The following SNTG1 variants were observed in gnomAD, a reference collection of about 807,000 sequenced individuals.
The protein encoded by SNTG1 is gamma-1-syntrophin.
A neutral mutation model predicts 74.7 loss-of-function variants in SNTG1; 39 were observed. The ratio of observed to expected loss-of-function variants is 0.52; its 90% CI spans 0.40 to 0.68. The LOEUF is 0.68. Ranked by LOEUF, SNTG1 falls within the 30% of genes least tolerant of loss-of-function variation. SNTG1 has a pLI of 0.00. For missense variants in SNTG1, 685 were observed against 609.5 expected, an observed-to-expected ratio of 1.12 and a Z score of -1.30; for synonymous variants, 254 against 217.1, an observed-to-expected ratio of 1.17 and a Z score of -1.49.
At chr8:50,049,365 C>T (rs1202352013) in intron 1 of SNTG1, among the ~76,000 whole-genome samples, 5 of 151,892 alleles carry the variant, frequency 3.3e-5, no homozygotes, top group African/African-American at 1.2e-4. Context: ...GCTAAAGTAG[C>T]TAAATTATAT....
At chr8:50,254,559 C>T (rs1207044355) in intron 2 of SNTG1, among the ~76,000 whole-genome samples, 1 of 152,020 alleles carries the variant, frequency 6.6e-6, no homozygotes, top group Admixed American at 6.6e-5. Flanking sequence ...AAAATAGAAA[C>T]AAACAGGGCC....
At chr8:50,151,419 C>A (rs765931867) in intron 1 of SNTG1, among the ~76,000 whole-genome samples, 3 of 151,776 alleles carry the variant, frequency 2.0e-5, no homozygotes, top group Non-Finnish European at 4.4e-5. Context: ...TTCTTCAGTT[C>A]TCTGATCTTA....
intron 1 of SNTG1, among the ~76,000 whole-genome samples, chr8:50,137,194 T>A (rs2081502294): frequency 6.6e-6 from 1 of 152,168 alleles, no homozygotes; most frequent in Non-Finnish European, 1.5e-5. Context: ...TGGAGTGTAT[T>A]TGGTGAGATT....
intron 1 of SNTG1, among the ~76,000 whole-genome samples, chr8:50,056,675 G>C (rs960682571): frequency 1.3e-5 from 2 of 152,170 alleles, no homozygotes; most frequent in Non-Finnish European, 2.9e-5. Context: ...CTGTGGTGCC[G>C]TGTGGTTTAC....
At chr8:50,395,627 C>T (rs1330369131) in intron 3 of SNTG1, among the ~76,000 whole-genome samples, 4 of 151,526 alleles carry the variant, frequency 2.6e-5, no homozygotes, top group Admixed American at 6.6e-5. Flanking sequence ...CCTCAGCCTC[C>T]GAAGTAGCTG....
intron 3 of SNTG1, among the ~76,000 whole-genome samples, chr8:50,399,695 T>C (rs1563334453): frequency 1.3e-5 from 2 of 151,864 alleles, no homozygotes; most frequent in Admixed American, 6.5e-5. Context: ...CAGAGTGGCT[T>C]CCCCCCTCAA....
chr8:50,275,358 T>C (rs1226263037), intron 2 of SNTG1, among the ~76,000 whole-genome samples: 2 of 152,218 alleles, frequency 1.3e-5, no homozygotes, highest in Non-Finnish European at 1.5e-5. Context: ...TCTTTGTTAT[T>C]TTTTAAATCT....
At chr8:50,783,857 T>G (rs1303333898) in intron 18 of SNTG1, among the ~76,000 whole-genome samples, 1 of 152,216 alleles carries the variant, frequency 6.6e-6, no homozygotes, top group African/African-American at 2.4e-5. Context: ...AACTTCAGTT[T>G]GAGTTTTCAC....
chr8:50,728,197 G>T (rs1312326893), intron 17 of SNTG1, among the ~76,000 whole-genome samples: 1 of 152,114 alleles, frequency 6.6e-6, no homozygotes, highest in Non-Finnish European at 1.5e-5. Flanking sequence ...ACACCTTGGG[G>T]GTGGTGTCCC....
chr8:50,320,188 C>A (rs1269032213), intron 2 of SNTG1, among the ~76,000 whole-genome samples: 1 of 152,086 alleles, frequency 6.6e-6, no homozygotes, highest in Non-Finnish European at 1.5e-5. Context: ...CAATCTCATT[C>A]TTCGTTATTG....
At position 50,513,713 on chromosome 8, in the gene SNTG1, C is replaced by G. The variant is rs2955604; in HGVS notation, c.466+10833C>G. Among the ~76,000 whole-genome samples the G allele has an allele frequency of 7.2e-3, 1,093 of 152,262 alleles. 10 individuals carry two copies. Among genetic ancestry groups the G allele is most frequent in the African/African-American group, 0.025 (1,051 of 41,552 alleles). On this transcript the variant is annotated intron_variant, in intron 9 of 18. Transcript: ENST00000642720. ...CTCCGTGGGCATAAGACCCTCCAAG[C>G]CATGCGCAGGATATAATCTCCTGGT...
chr8:50,531,540 G>A (rs1033335132), intron 10 of SNTG1, among the ~76,000 whole-genome samples: 1 of 151,956 alleles, frequency 6.6e-6, no homozygotes, highest in East Asian at 1.9e-4. Context: ...CGATAATTTC[G>A]ATCCACTTCT....
rs1802823549 is a variant in SNTG1, at chr8:50,796,633, G to A, written c.*3804G>A. 6.6e-6 allele frequency: 1 copy of A among 151,838 alleles called. No homozygotes were observed. Among genetic ancestry groups the A allele is most frequent in the African/African-American group, 2.4e-5 (1 of 41,400 alleles). The allele number at this position is 151,838 out of a possible 1,614,324, so 9.4% of individuals were successfully genotyped here. On this transcript the variant is annotated 3_prime_UTR_variant, in exon 19 of 19. Transcript: ENST00000642720. The stretch of plus-strand genomic sequence containing the variant: ...TTCAGTTCATTAATGTACTACTAAT[G>A]AAACCATACTTTTTTAAATGAAGCA...
intron 13 of SNTG1, among the ~76,000 whole-genome samples, chr8:50,625,993 G>C (rs774047351): frequency 6.6e-6 from 1 of 152,142 alleles, no homozygotes; most frequent in Non-Finnish European, 1.5e-5. Flanking sequence ...ACAGCCAAAA[G>C]ATACACACAT....
At chr8:50,726,231 C>T (rs2095499766) in intron 17 of SNTG1, among the ~76,000 whole-genome samples, 1 of 152,148 alleles carries the variant, frequency 6.6e-6, no homozygotes, top group African/African-American at 2.4e-5. Flanking sequence ...TCATCAATAT[C>T]ACTAATTTCT....
intron 1 of SNTG1, among the ~76,000 whole-genome samples, chr8:50,156,322 A>C (rs1445821365): frequency 6.6e-6 from 1 of 152,136 alleles, no homozygotes; most frequent in Middle Eastern, 3.2e-3. Context: ...GCTATAGCAG[A>C]ATGAAAATGT....
intron 15 of SNTG1, among the ~76,000 whole-genome samples, chr8:50,673,925 T>C (rs2095297615): frequency 6.6e-6 from 1 of 152,160 alleles, no homozygotes; most frequent in African/African-American, 2.4e-5. Flanking sequence ...TCTGCATCTA[T>C]TGAGATTATC....
At chr8:50,711,721 G>A (rs905825990) in intron 17 of SNTG1, among the ~76,000 whole-genome samples, 18 of 152,182 alleles carry the variant, frequency 1.2e-4, no homozygotes, top group East Asian at 3.9e-4. Flanking sequence ...AGCATAAGAC[G>A]TATTAAATAG....
At chr8:50,440,857 A>G (rs1171184787) in intron 5 of SNTG1, among the ~76,000 whole-genome samples, 3 of 152,250 alleles carry the variant, frequency 2.0e-5, no homozygotes, top group African/African-American at 7.2e-5. Context: ...CGCTGGACTC[A>G]GAACACATGG....
Sources: gnomAD v4.1 joint callset for allele counts (sites outside exome capture counted in the v4.1 genomes callset) on GRCh38, gnomAD v4.1.1 for gene constraint, MANE v1.5 for transcripts, NCBI Gene and HGNC (gene_info 2026-07-23, HGNC 2026-07-21) for gene names.